WBP2: variants seen among roughly 807,000 people sequenced by gnomAD.
The protein encoded by WBP2 is WW domain binding protein 2.
WBP2 carries 23 observed loss-of-function variants against 33.0 expected under a neutral mutation model. The ratio of observed to expected loss-of-function variants is 0.70; its 90% CI spans 0.50 to 0.99. The LOEUF is 0.99. Ranked by LOEUF, WBP2 falls within the 50% of genes least tolerant of loss-of-function variation. The pLI, the probability that WBP2 is intolerant of heterozygous loss-of-function variation, is 0.00. For missense variants in WBP2, 353 were observed against 358.0 expected (o/e 0.99, Z 0.11); for synonymous variants, 153 against 133.5 (o/e 1.15, Z -1.01).
At chr17:75,850,332 G>A (rs576934054) in intron 2 of WBP2, among the ~76,000 whole-genome samples, 12 of 151,066 alleles carry the variant, frequency 7.9e-5, no homozygotes, top group Admixed American at 5.3e-4. Flanking sequence ...TGCAAGCTCC[G>A]CCTCCCGGGT....
chr17:75,848,392 C>G, intron 4 of WBP2, 178 bp downstream of exon 4: 1 of 635,580 alleles, frequency 1.6e-6, no homozygotes, highest in Non-Finnish European at 2.8e-6. Flanking sequence ...CTCTGAGGTA[C>G]AGGACAGAGC....
chr17:75,855,213 C>G (rs2065051058), intron 1 of WBP2, 26 bp downstream of exon 1: 6 of 1,598,360 alleles, frequency 3.8e-6, no homozygotes, highest in Non-Finnish European at 5.1e-6. Context: ...CTTTGGTCCT[C>G]CAGGATCCTT....
chr17:75,854,156 G>A (rs1055185880), intron 1 of WBP2, among the ~76,000 whole-genome samples: 1 of 151,640 alleles, frequency 6.6e-6, no homozygotes, highest in African/African-American at 2.4e-5. Context: ...AAGATAGAGG[G>A]AAAGTGAGCA....
rs184252231 is a variant in WBP2 at position 75,848,670 on chromosome 17, G to A, written c.305-8C>T. On this transcript the variant is annotated splice_polypyrimidine_tract_variant and splice_region_variant and intron_variant, in intron 3 of 7. Coordinates refer to ENST00000254806, the MANE Select transcript of WBP2 (RefSeq NM_012478.4). ...CAGAGCCTTCCCAGCCACCTGAAAGGGGAAGGACAGTGAATAAACAGCACA... is the reference window on the plus strand; with the variant it reads ...CAGAGCCTTCCCAGCCACCTGAAAGAGGAAGGACAGTGAATAAACAGCACA... The A allele has an allele frequency of 2.5e-6, 4 of 1,610,448 alleles. No homozygotes were observed. In the East Asian group the frequency reaches 8.9e-5, roughly 36 times the overall value.
Position 75,855,254 on chromosome 17 carries a change from A to C in WBP2, c.44T>G (p.Val15Gly), listed in dbSNP as rs1330497315. ...KNHSEGGGVIVNNTESILMSY... is the reference protein window; with the variant it reads ...KNHSEGGGVIGNNTESILMSY... ...GTGTTTTCACCTCTCGGTGTTATTG[A>C]CGATCACTCCGCCGCCCTCCGAGTG... The change falls in exon 1 of 8, where the codon GTC becomes GGC. Residue 15 changes from valine (V) to glycine (G), a missense_variant. Physicochemically the swap from Val to Gly is moderately radical, Grantham distance 109. Transcript: ENST00000254806. 1 of 1,563,126 alleles carries C rather than the reference A, an allele frequency of 6.4e-7. No homozygotes were observed. Among genetic ancestry groups the C allele is most frequent in the African/African-American group, 1.4e-5 (1 of 69,890 alleles).
intron 1 of WBP2, among the ~76,000 whole-genome samples, chr17:75,854,119 G>A (rs1026474457): frequency 5.9e-5 from 9 of 151,464 alleles, no homozygotes; most frequent in Non-Finnish European, 8.8e-5. Flanking sequence ...CCAGCAACAG[G>A]CTGGGCCCAT....
chr17:75,854,184 C>T (rs1394434526), intron 1 of WBP2, among the ~76,000 whole-genome samples: 1 of 151,864 alleles, frequency 6.6e-6, no homozygotes, highest in African/African-American at 2.4e-5. Flanking sequence ...TCACTCTAGG[C>T]ATTTTCCTCT....
At chr17:75,852,657 G>T in intron 1 of WBP2, 1 of 286,972 alleles carries the variant, frequency 3.5e-6, no homozygotes. Flanking sequence ...GGGTTTCACC[G>T]TGTTAGCCAG....
intron 1 of WBP2, among the ~76,000 whole-genome samples, chr17:75,854,043 T>TAAAAA (rs55857053): frequency 1.4e-4 from 8 of 55,438 alleles, no homozygotes; most frequent in Admixed American, 4.7e-4. Context: ...AGCCTCCATC[T>TAAAAA]AAAAAAAAAA....
intron 1 of WBP2, among the ~76,000 whole-genome samples, chr17:75,854,195 G>T (rs1329760508): frequency 1.1e-4 from 16 of 152,076 alleles, no homozygotes; most frequent in Admixed American, 8.5e-4. Context: ...ATTTTCCTCT[G>T]ACTCATCAAA....
chr17:75,851,848 T>A (rs1475665425), intron 1 of WBP2, 172 bp from the exon 2 acceptor site: 3 of 470,948 alleles, frequency 6.4e-6, no homozygotes, highest in Non-Finnish European at 1.2e-5. Context: ...ACGCCCGTAA[T>A]CCCAGCACTT....
rs891846700 is a variant in WBP2, at chr17:75,847,693, C to T, written c.533-84G>A. 23 of 1,591,080 alleles carry T rather than the reference C, an allele frequency of 1.4e-5. No individual in the cohort carries two copies. In the East Asian group the frequency reaches 1.8e-4, roughly 12 times the overall value. On this transcript the variant is annotated intron_variant, in intron 5 of 7. Transcript: ENST00000254806. ...GTGAGGGGGGCCTCTCCAGCTCCTTCGTTGGTCCTGAAGCAGCTCAAGGAA... is the reference window on the plus strand; with the variant it reads ...GTGAGGGGGGCCTCTCCAGCTCCTTTGTTGGTCCTGAAGCAGCTCAAGGAA...
Position 75,847,854 on chromosome 17 carries a change from T to C in WBP2, c.474A>G (p.Pro158=), listed in dbSNP as rs2065004309. 2 of 1,555,658 alleles carry C rather than the reference T, an allele frequency of 1.3e-6. No individual in the cohort carries two copies. The change falls in exon 5 of 8, where the codon CCA becomes CCG. Residue 158 remains proline (P), a synonymous_variant. Transcript: ENST00000254806. Reference sequence around the variant, plus strand: ...GGCAGGGGTACATTCCATTGGCGACTGGCGGGGGATAGACATAGGCCCCGC... The same window carrying C: ...GGCAGGGGTACATTCCATTGGCGACCGGCGGGGGATAGACATAGGCCCCGC... ...MPSGAYVYPP[P]VANGMYPCPP... is the part of the protein sequence containing the mutation.
intron 4 of WBP2, chr17:75,848,268 C>G: frequency 1.7e-6 from 1 of 581,838 alleles, no homozygotes; most frequent in Non-Finnish European, 3.1e-6. Flanking sequence ...GGCTGCGGAA[C>G]CGCAGTCGAA....
intron 1 of WBP2, 127 bp downstream of exon 1, chr17:75,855,112 T>C (rs1269098476): frequency 2.8e-5 from 9 of 320,476 alleles, no homozygotes; most frequent in South Asian, 1.5e-4. Flanking sequence ...CCCCCAGCCG[T>C]TCCCCACCAA....
rs1450322049 is a variant in WBP2, at chr17:75,848,608, A to G, written c.359T>C (p.Ile120Thr). ...YKLTFTAGGA[I>T]EFGQRMLQVA... ...CTGGAGCATCCGCTGTCCGAACTCA[A>G]TGGCGCCCCCTGCCGTGAAAGTCAA... Residue 120 changes from isoleucine to threonine, a missense_variant, in exon 4 of 8, where the codon ATT (isoleucine) becomes ACT (threonine). Transcript: ENST00000254806. 1.2e-6 allele frequency: 2 copies of G among 1,614,080 alleles called. No individual in the cohort carries two copies. The highest frequency in any genetic ancestry group is 1.7e-6 in the Non-Finnish European group (2 of 1,179,950).
At chr17:75,851,744 G>T in intron 1 of WBP2, 68 bp from the exon 2 acceptor site, 1 of 1,206,684 alleles carries the variant, frequency 8.3e-7, no homozygotes, top group Non-Finnish European at 1.2e-6. Flanking sequence ...CAGACACTGG[G>T]CCTTTCTCCC....
intron 2 of WBP2, among the ~76,000 whole-genome samples, chr17:75,850,669 GCTC>G (rs1467991661): frequency 6.6e-6 from 1 of 152,088 alleles, no homozygotes; most frequent in Non-Finnish European, 1.5e-5. Flanking sequence ...TTGAAAATGT[GCTC>G]CTCTTCTTCC....
chr17:75,855,217 G>T, intron 1 of WBP2, 22 bp downstream of exon 1: 1 of 1,603,128 alleles, frequency 6.2e-7, no homozygotes, highest in South Asian at 1.1e-5. Context: ...GGTCCTCCAG[G>T]ATCCTTCCGC....
Sources: gnomAD v4.1 joint callset for allele counts (sites outside exome capture counted in the v4.1 genomes callset) on GRCh38, gnomAD v4.1.1 for gene constraint, MANE v1.5 for transcripts, NCBI Gene and HGNC (gene_info 2026-07-23, HGNC 2026-07-21) for gene names.